The following DIP2C variants were observed in gnomAD, a reference collection of about 807,000 sequenced individuals.
DIP2C encodes DIP2 acetate--CoA ligase C (putative).
In DIP2C, 33 loss-of-function variants were observed where a neutral mutation model predicts 192.4. That is an observed-to-expected ratio of 0.17 (90% CI 0.13 to 0.23). The LOEUF (loss-of-function observed/expected upper bound fraction) is 0.23, where lower values mean the gene tolerates loss of function less well. Among genes scored for constraint, DIP2C ranks in the 10% least tolerant of loss-of-function variants. The probability of loss-of-function intolerance (pLI) is 1.00; values close to 1 mark genes in which losing one functional copy is unlikely to be tolerated. For missense variants in DIP2C, 1,537 were observed against 2,110.1 expected (o/e 0.73, Z 5.32); for synonymous variants, 979 against 864.1 (o/e 1.13, Z -2.33).
intron 17 of DIP2C, among the ~76,000 whole-genome samples, chr10:380,630 G>A (rs771080701): frequency 6.6e-6 from 1 of 152,186 alleles, no homozygotes; most frequent in African/African-American, 2.4e-5. Flanking sequence ...CCGAACACTT[G>A]TCTTTCTTCT....
chr10:384,043 C>T lies in DIP2C; in HGVS notation c.1860G>A (p.Ala620=), dbSNP rs760102920. The change falls in exon 16 of 37, where the codon GCG becomes GCA. Residue 620 remains alanine, a synonymous_variant. Coordinates refer to ENST00000280886, the MANE Select transcript of DIP2C (RefSeq NM_014974.3). ...CTCACTTACAGGGGTTCGCGCCGTC[C>T]GCCACTATCAGCATTCGCAGAGAGG... ...NLSSLRMLIV[A]DGANPWSISS... The T allele has an allele frequency of 4.5e-5, 72 of 1,606,088 alleles. No individual in the cohort carries two copies. The highest frequency in any genetic ancestry group is 2.2e-4 in the African/African-American group (16 of 74,036).
intron 29 of DIP2C, chr10:340,611 G>A (rs980156160): frequency 8.2e-6 from 3 of 366,292 alleles, no homozygotes; most frequent in African/African-American, 6.4e-5. Context: ...TTTCTACAAT[G>A]AACATGTATG....
At chr10:672,592 C>T (rs1299189864) in intron 1 of DIP2C, among the ~76,000 whole-genome samples, 1 of 152,250 alleles carries the variant, frequency 6.6e-6, no homozygotes, top group Non-Finnish European at 1.5e-5. Context: ...TGAAAGCACT[C>T]TGCATAAAAG....
At chr10:648,643 C>T (rs961057419) in intron 1 of DIP2C, among the ~76,000 whole-genome samples, 2 of 151,410 alleles carry the variant, frequency 1.3e-5, no homozygotes, top group South Asian at 2.1e-4. Context: ...ACTGAGTCCA[C>T]GTCCACATTG....
intron 1 of DIP2C, among the ~76,000 whole-genome samples, chr10:621,049 A>T (rs189591772): frequency 9.2e-5 from 14 of 152,288 alleles, no homozygotes; most frequent in African/African-American, 3.1e-4. Context: ...AGGCCCAAGT[A>T]CCTGGAGAGG....
At chr10:596,912 C>T (rs1388301943) in intron 1 of DIP2C, among the ~76,000 whole-genome samples, 3 of 152,250 alleles carry the variant, frequency 2.0e-5, no homozygotes, top group Admixed American at 6.5e-5. Flanking sequence ...CGCATAGTGA[C>T]GCGAACATGC....
chr10:377,317 C>CCCTCCTCTGCCATCTTCCCGCTGCA (rs1418503910), intron 17 of DIP2C, among the ~76,000 whole-genome samples: 1 of 152,196 alleles, frequency 6.6e-6, no homozygotes, highest in Non-Finnish European at 1.5e-5. Context: ...GTGGGGAGGC[C>CCCTCCTCTGCCATCTTCCCGCTGCA]CCTCCTCTGC....
intron 1 of DIP2C, among the ~76,000 whole-genome samples, chr10:555,537 G>A (rs1848805492): frequency 6.6e-6 from 1 of 152,142 alleles, no homozygotes; most frequent in Non-Finnish European, 1.5e-5. Flanking sequence ...GGCCCACCCT[G>A]GGGGAGGCAT....
At chr10:385,080 C>T (rs571826897) in intron 14 of DIP2C, among the ~76,000 whole-genome samples, 3 of 151,504 alleles carry the variant, frequency 2.0e-5, no homozygotes, top group Admixed American at 1.3e-4. Flanking sequence ...GGGAGCGCCA[C>T]GGACACCAGG....
At chr10:355,853 G>A (rs924121258) in intron 24 of DIP2C, among the ~76,000 whole-genome samples, 6 of 152,188 alleles carry the variant, frequency 3.9e-5, no homozygotes, top group Non-Finnish European at 5.9e-5. Flanking sequence ...AAGGCAGGTG[G>A]ATCACTCAAG....
At chr10:638,822 G>A (rs1324884539) in intron 1 of DIP2C, among the ~76,000 whole-genome samples, 1 of 152,246 alleles carries the variant, frequency 6.6e-6, no homozygotes, top group African/African-American at 2.4e-5. Context: ...GAGCACTGGA[G>A]TAATGGAAAG....
At chr10:675,801 A>T (rs1424135804) in intron 1 of DIP2C, among the ~76,000 whole-genome samples, 1 of 152,136 alleles carries the variant, frequency 6.6e-6, no homozygotes, top group East Asian at 1.9e-4. Flanking sequence ...CAACAAAGAA[A>T]ACCTCAGGAC....
chr10:283,241 T>C (rs745975770), intron 35 of DIP2C, 31 bp downstream of exon 35: 3 of 1,457,382 alleles, frequency 2.1e-6, no homozygotes, highest in Middle Eastern at 1.9e-4. Flanking sequence ...TGCCCATCTG[T>C]TGGGGGGGGG....
intron 1 of DIP2C, among the ~76,000 whole-genome samples, chr10:579,479 AGTGTACAAACATAAGTGCAC>A: frequency 6.6e-6 from 1 of 152,030 alleles, no homozygotes. Flanking sequence ...ATACAGATCC[AGTGTACAAACATAAGTGCAC>A]TATGTGTGTA....
At chr10:375,532 A>C (rs1040479956) in intron 17 of DIP2C, among the ~76,000 whole-genome samples, 1 of 152,258 alleles carries the variant, frequency 6.6e-6, no homozygotes, top group Admixed American at 6.5e-5. Flanking sequence ...ATGTGGCCTC[A>C]CGAGGAATGT....
chr10:368,028 C>T (rs6560832), intron 18 of DIP2C, among the ~76,000 whole-genome samples: 60 of 616 alleles, frequency 0.097, no homozygotes, highest in East Asian at 0.25. Context: ...CAGGTGCCTC[C>T]GACGGGGGCC....
At chr10:386,952 C>G (rs1458741053) in intron 14 of DIP2C, among the ~76,000 whole-genome samples, 3 of 152,180 alleles carry the variant, frequency 2.0e-5, no homozygotes, top group African/African-American at 7.2e-5. Context: ...CCAAGCCCGG[C>G]ACGTCATCCA....
At chr10:550,508 T>G (rs1023504270) in intron 1 of DIP2C, among the ~76,000 whole-genome samples, 35 of 152,334 alleles carry the variant, frequency 2.3e-4, no homozygotes, top group Middle Eastern at 6.8e-3. Context: ...TTGAAGCTAC[T>G]GAAGTTTTAC....
At chr10:531,593 CTG>C (rs1847374992) in intron 1 of DIP2C, among the ~76,000 whole-genome samples, 1 of 152,164 alleles carries the variant, frequency 6.6e-6, no homozygotes, top group South Asian at 2.1e-4. Context: ...AAAGCCAACT[CTG>C]GAGGTAAAGG....
Sources: allele counts gnomAD v4.1 joint callset (sites outside exome capture counted in the v4.1 genomes callset), GRCh38; gene constraint gnomAD v4.1.1; transcripts MANE v1.5; gene names NCBI Gene and HGNC (gene_info 2026-07-23, HGNC 2026-07-21).